PARP11: variants seen among roughly 807,000 people sequenced by gnomAD.
PARP11 encodes protein mono-ADP-ribosyltransferase PARP11.
PARP11 carries 31 observed loss-of-function variants against 42.9 expected under a neutral mutation model. The ratio of observed to expected loss-of-function variants is 0.72; its 90% confidence interval spans 0.54 to 0.98. The LOEUF is 0.98. Ranked by LOEUF, PARP11 falls within the 50% of genes least tolerant of loss-of-function variation. PARP11 has a pLI of 0.00. For synonymous variants in PARP11, 137 were observed against 127.3 expected, an observed-to-expected ratio of 1.08 and a Z score of -0.51; for missense variants, 365 against 413.1, an observed-to-expected ratio of 0.88 and a Z score of 1.01.
At chr12:3,817,382 A>G (rs1290963178) in intron 6 of PARP11, among the ~76,000 whole-genome samples, 1 of 152,098 alleles carries the variant, frequency 6.6e-6, no homozygotes, top group Non-Finnish European at 1.5e-5. Context: ...TACCAGTTGA[A>G]GGCAGAGGGC....
At chr12:3,849,671 T>C (rs1034477517) in intron 1 of PARP11, among the ~76,000 whole-genome samples, 1 of 152,090 alleles carries the variant, frequency 6.6e-6, no homozygotes, top group Admixed American at 6.5e-5. Context: ...GAGAGACTGA[T>C]TAAAAGAGGT....
intron 1 of PARP11, among the ~76,000 whole-genome samples, chr12:3,843,890 ATAG>A (rs565944979): frequency 1.9e-3 from 294 of 152,360 alleles, no homozygotes; most frequent in Admixed American, 3.1e-3. Context: ...TGCAAATAAC[ATAG>A]TAGTAATTTC....
At chr12:3,842,066 C>A in intron 1 of PARP11, 2 of 1,609,226 alleles carry the variant, frequency 1.2e-6, no homozygotes, top group Non-Finnish European at 1.7e-6. Flanking sequence ...CACCCTCCCA[C>A]TCAGATTCTA....
intron 1 of PARP11, among the ~76,000 whole-genome samples, chr12:3,865,759 C>A (rs1173340157): frequency 6.6e-6 from 1 of 151,994 alleles, no homozygotes; most frequent in Non-Finnish European, 1.5e-5. Context: ...TTCTTACAGA[C>A]AACTTATACT....
intron 1 of PARP11, among the ~76,000 whole-genome samples, chr12:3,869,576 G>C (rs1184258391): frequency 6.6e-6 from 1 of 152,108 alleles, no homozygotes; most frequent in Admixed American, 6.6e-5. Context: ...TATCTCTGCT[G>C]TCTGAACAGC....
chr12:3,845,864 A>G (rs980658365), intron 1 of PARP11, among the ~76,000 whole-genome samples: 1 of 152,186 alleles, frequency 6.6e-6, no homozygotes, highest in South Asian at 2.1e-4. Context: ...TTAGAAGAGG[A>G]GTGGGTGCAT....
At chr12:3,857,832 T>A (rs1239337050) in intron 1 of PARP11, among the ~76,000 whole-genome samples, 2 of 152,232 alleles carry the variant, frequency 1.3e-5, no homozygotes, top group African/African-American at 4.8e-5. Context: ...AACATGTACT[T>A]TCCCCGAAAT....
chr12:3,838,505 C>G (rs1462261110), intron 1 of PARP11, among the ~76,000 whole-genome samples: 1 of 151,842 alleles, frequency 6.6e-6, no homozygotes, highest in Admixed American at 6.6e-5. Context: ...AAGTACACTT[C>G]TAAAAAAAGA....
intron 1 of PARP11, among the ~76,000 whole-genome samples, chr12:3,835,071 G>A (rs1947729125): frequency 6.6e-6 from 1 of 152,100 alleles, no homozygotes; most frequent in Non-Finnish European, 1.5e-5. Flanking sequence ...GCTCAAGGTT[G>A]GGCCCTCTCA....
intron 1 of PARP11, chr12:3,841,464 T>C: frequency 2.1e-6 from 3 of 1,409,554 alleles, no homozygotes; most frequent in African/African-American, 1.4e-5. Flanking sequence ...GTACCTGTAC[T>C]GATGCCCACT....
chr12:3,862,245 T>G (rs1302115785), intron 1 of PARP11, among the ~76,000 whole-genome samples: 1 of 152,026 alleles, frequency 6.6e-6, no homozygotes, highest in East Asian at 1.9e-4. Context: ...TTGAAGTCAG[T>G]AGTTTGAGAC....
intron 1 of PARP11, among the ~76,000 whole-genome samples, chr12:3,866,629 T>C (rs1948396165): frequency 6.6e-6 from 1 of 151,736 alleles, no homozygotes; most frequent in South Asian, 2.1e-4. Context: ...TTAAATATAG[T>C]ACTATAAAAC....
intron 1 of PARP11, among the ~76,000 whole-genome samples, chr12:3,831,327 A>C (rs928155439): frequency 6.6e-6 from 1 of 152,122 alleles, no homozygotes; most frequent in African/African-American, 2.4e-5. Flanking sequence ...GATTTGTTAA[A>C]AATTTGATTT....
chr12:3,842,751 C>G (rs929083011), intron 1 of PARP11, among the ~76,000 whole-genome samples: 2 of 152,144 alleles, frequency 1.3e-5, no homozygotes, highest in African/African-American at 4.8e-5. Flanking sequence ...AAGTGACTGT[C>G]CTCGTAAAAA....
intron 1 of PARP11, among the ~76,000 whole-genome samples, chr12:3,838,887 C>T (rs912840853): frequency 6.6e-6 from 1 of 152,182 alleles, no homozygotes; most frequent in African/African-American, 2.4e-5. Context: ...CTGAGCCGGC[C>T]CGGCGTGCGC....
In PARP11 at chr12:3,822,056, TGGGTATATTCA is replaced by T. The variant is rs1947406370; in HGVS notation, c.417+18_417+28del. 6.2e-7 allele frequency: 1 copy of T among 1,609,348 alleles called. No individual in the cohort carries two copies. Among genetic ancestry groups the T allele is most frequent in the South Asian group, 1.1e-5 (1 of 89,944 alleles). On this transcript the variant is annotated intron_variant, in intron 5 of 7. Coordinates refer to ENST00000228820, the MANE Select transcript of PARP11 (RefSeq NM_020367.6). ...CTGCAGTCATTTCCGGTTTCTTTCA[TGGGTATATTCA>T]GTCAATTCTGCTCTTACCTGATATG... is the stretch of plus-strand genomic sequence containing the variant.
In PARP11 at chr12:3,814,037, C is replaced by G. The variant is rs1947233907; in HGVS notation, c.700G>C (p.Gly234Arg). ...NGIHGAVFGK[G>R]TYFARDAAYS... is the part of the protein sequence containing the mutation. ...TTGGACCTGGAATTCTGATAATTAC[C>G]TTTTCCAAAGACAGCACCATGTATA... The change falls in exon 7 of 8, where the codon GGA becomes CGA. Residue 234 changes from glycine (G) to arginine (R), a missense_variant and splice_region_variant. Transcript: ENST00000228820. 6.5e-7 allele frequency: 1 copy of G among 1,540,604 alleles called. No homozygotes were observed. The highest frequency in any genetic ancestry group is 8.8e-7 in the Non-Finnish European group (1 of 1,135,394).
In PARP11 at chr12:3,840,306, C is replaced by G; in HGVS notation, c.19-10288G>C. The G allele has an allele frequency of 6.2e-7, 1 of 1,614,122 alleles. No homozygotes were observed. Among genetic ancestry groups the G allele is most frequent in the Non-Finnish European group, 8.5e-7 (1 of 1,179,964 alleles). ...ACCTCAAGGCACCTCCCCCAGAAAG[C>G]TGGAACACAGTGTCAGGGAAGAAGA... On this transcript the variant is annotated intron_variant, in intron 1 of 7. Transcript: ENST00000228820. The surrounding 1 kb of genome is among the most constrained non-coding windows in gnomAD (Gnocchi z 4.4).
chr12:3,825,133 T>G (rs184113560), intron 4 of PARP11, among the ~76,000 whole-genome samples: 1 of 152,178 alleles, frequency 6.6e-6, no homozygotes, highest in Non-Finnish European at 1.5e-5. Flanking sequence ...AGTTTCATTT[T>G]AAATTATTTG....
Sources: gnomAD v4.1 joint callset for allele counts (sites outside exome capture counted in the v4.1 genomes callset) on GRCh38, gnomAD v4.1.1 for gene constraint, Gnocchi (gnomAD v3.1) non-coding constraint, MANE v1.5 for transcripts, NCBI Gene and HGNC (gene_info 2026-07-23, HGNC 2026-07-21) for gene names.